Variants in MAGI2 observed in about 807,000 individuals in gnomAD.
The protein encoded by MAGI2 is membrane-associated guanylate kinase, WW and PDZ domain-containing protein 2.
Under a neutral mutation model 133.3 loss-of-function variants are expected in MAGI2, and 35 were observed. The observed-to-expected ratio is 0.26, with a 90% CI of 0.20 to 0.35. MAGI2 has a LOEUF of 0.35. Ranked by LOEUF, MAGI2 falls within the 10% of genes least tolerant of loss-of-function variation. MAGI2 has a pLI of 1.00. For synonymous variants in MAGI2, 729 were observed against 710.6 expected, an observed-to-expected ratio of 1.03 and a Z score of -0.41; for missense variants, 1,636 against 1,863.4, an observed-to-expected ratio of 0.88 and a Z score of 2.25.
chr7:79,034,280 G>C (rs1810906908), intron 1 of MAGI2, among the ~76,000 whole-genome samples: 1 of 151,722 alleles, frequency 6.6e-6, no homozygotes, highest in Non-Finnish European at 1.5e-5. Flanking sequence ...TAAAAATATT[G>C]TTATGTTTGA....
intron 1 of MAGI2, among the ~76,000 whole-genome samples, chr7:79,383,559 TAAAA>T (rs911891547): frequency 6.6e-6 from 1 of 151,546 alleles, no homozygotes; most frequent in Non-Finnish European, 1.5e-5. Flanking sequence ...CTGAGAATGA[TAAAA>T]AGTTTATAAA....
At chr7:78,421,761 G>A (rs1041427244) in intron 6 of MAGI2, among the ~76,000 whole-genome samples, 1 of 152,082 alleles carries the variant, frequency 6.6e-6, no homozygotes, top group Non-Finnish European at 1.5e-5. Flanking sequence ...CCGTGATAGT[G>A]CCACTGCACT....
intron 2 of MAGI2, among the ~76,000 whole-genome samples, chr7:78,942,989 A>G (rs923498440): frequency 6.6e-6 from 1 of 152,086 alleles, no homozygotes; most frequent in Non-Finnish European, 1.5e-5. Flanking sequence ...CCTCAATATT[A>G]TCATACTTAG....
intron 6 of MAGI2, among the ~76,000 whole-genome samples, chr7:78,422,098 T>C (rs1308963437): frequency 1.3e-5 from 2 of 152,190 alleles, no homozygotes; most frequent in African/African-American, 4.8e-5. Flanking sequence ...GTAGTCATTG[T>C]AGTTTAAAGC....
chr7:79,327,835 T>G (rs1839811510), intron 1 of MAGI2, among the ~76,000 whole-genome samples: 1 of 152,140 alleles, frequency 6.6e-6, no homozygotes, highest in Non-Finnish European at 1.5e-5. Context: ...TTTGGTATAT[T>G]TTTTTCCAAG....
intron 3 of MAGI2, among the ~76,000 whole-genome samples, chr7:78,603,162 T>A (rs749449586): frequency 2.0e-5 from 3 of 152,174 alleles, no homozygotes; most frequent in Non-Finnish European, 4.4e-5. Context: ...AGAAAACTGA[T>A]AATGTAAAGT....
At chr7:78,162,322 G>A (rs1290871212) in intron 15 of MAGI2, among the ~76,000 whole-genome samples, 1 of 148,628 alleles carries the variant, frequency 6.7e-6, no homozygotes. Flanking sequence ...TCAGGAGATC[G>A]AGACCACGGT....
At chr7:78,624,412 A>C (rs1808096611) in intron 3 of MAGI2, among the ~76,000 whole-genome samples, 1 of 152,084 alleles carries the variant, frequency 6.6e-6, no homozygotes, top group Non-Finnish European at 1.5e-5. Flanking sequence ...ATGGTTAATG[A>C]AAGACTGGAT....
chr7:78,716,325 A>G (rs1819699523), intron 2 of MAGI2, among the ~76,000 whole-genome samples: 1 of 152,228 alleles, frequency 6.6e-6, no homozygotes, highest in Non-Finnish European at 1.5e-5. Context: ...CCTTGAAAAC[A>G]GTATTTCTTT....
At chr7:78,149,716 C>A (rs1015560355) in intron 16 of MAGI2, among the ~76,000 whole-genome samples, 1 of 152,146 alleles carries the variant, frequency 6.6e-6, no homozygotes, top group Admixed American at 6.5e-5. Flanking sequence ...TTCTGGAAGA[C>A]CCTCCTCTCA....
At chr7:79,422,762 C>T (rs1482911177) in intron 1 of MAGI2, among the ~76,000 whole-genome samples, 1 of 151,946 alleles carries the variant, frequency 6.6e-6, no homozygotes, top group Non-Finnish European at 1.5e-5. Flanking sequence ...TGCAAAAACA[C>T]AGCCCGACTC....
intron 9 of MAGI2, among the ~76,000 whole-genome samples, chr7:78,266,269 C>T (rs960997614): frequency 2.0e-5 from 3 of 152,132 alleles, no homozygotes; most frequent in South Asian, 2.1e-4. Context: ...GGCACTATCC[C>T]GGCTCACTGC....
chr7:78,054,576 A>T (rs931562359), intron 21 of MAGI2, among the ~76,000 whole-genome samples: 1 of 146,542 alleles, frequency 6.8e-6, no homozygotes, highest in Non-Finnish European at 1.5e-5. Context: ...AAGCCCCTTC[A>T]TTCATAGGCA....
intron 2 of MAGI2, among the ~76,000 whole-genome samples, chr7:78,994,233 A>G: frequency 6.6e-6 from 1 of 152,038 alleles, no homozygotes; most frequent in East Asian, 1.9e-4. Flanking sequence ...CTTCATCAAA[A>G]GAAGGGCTAT....
intron 2 of MAGI2, among the ~76,000 whole-genome samples, chr7:78,796,983 GGTGT>G (rs1193678563): frequency 6.6e-6 from 1 of 152,062 alleles, no homozygotes; most frequent in Non-Finnish European, 1.5e-5. Context: ...AAAAAGGGAA[GGTGT>G]GAGTGAAGAA....
intron 2 of MAGI2, among the ~76,000 whole-genome samples, chr7:78,877,865 G>A (rs1799025): frequency 0.26 from 39,682 of 151,976 alleles, 5,796 homozygotes; most frequent in Middle Eastern, 0.34. Flanking sequence ...GCTTTTTTGA[G>A]CTGACTTGCC....
At chr7:79,451,455 A>C (rs967135476) in intron 1 of MAGI2, among the ~76,000 whole-genome samples, 63 of 152,192 alleles carry the variant, frequency 4.1e-4, no homozygotes, top group African/African-American at 1.5e-3. Context: ...AAAAATATCA[A>C]GTTACTCTAT....
At chr7:78,901,999 C>T (rs920617998) in intron 2 of MAGI2, among the ~76,000 whole-genome samples, 15 of 152,086 alleles carry the variant, frequency 9.9e-5, no homozygotes, top group African/African-American at 7.2e-5. Context: ...AACCAAATTT[C>T]CACATATATG....
intron 1 of MAGI2, chr7:79,125,717 C>G: frequency 3.8e-6 from 2 of 526,530 alleles, no homozygotes; most frequent in Non-Finnish European, 7.5e-6. Context: ...GAAGCTCTGG[C>G]CCCTATGATG....
Sources: allele counts gnomAD v4.1 joint callset (sites outside exome capture counted in the v4.1 genomes callset), GRCh38; gene constraint gnomAD v4.1.1; transcripts MANE v1.5; gene names NCBI Gene and HGNC (gene_info 2026-07-23, HGNC 2026-07-21).